The following QSER1 variants were observed in gnomAD, a reference collection of about 807,000 sequenced individuals.
The protein encoded by QSER1 is glutamine and serine rich 1, also known as glutamine and serine-rich protein 1.
QSER1 carries 49 observed loss-of-function variants against 158.5 expected under a neutral mutation model. That is an observed-to-expected ratio of 0.31 (90% CI 0.25 to 0.39). The LOEUF (loss-of-function observed/expected upper bound fraction) is 0.39, where lower values mean the gene tolerates loss of function less well. QSER1 is among the 10% of genes least tolerant of loss of function. The probability of loss-of-function intolerance (pLI) is 1.00; values close to 1 mark genes in which losing one functional copy is unlikely to be tolerated. For synonymous variants in QSER1, 650 were observed against 715.5 expected (o/e 0.91, Z 1.46); for missense variants, 1,754 against 2,010.3 (o/e 0.87, Z 2.44).
chr11:32,941,410 T>G (rs1193320744), intron 4 of QSER1, among the ~76,000 whole-genome samples: 1 of 113,184 alleles, frequency 8.8e-6, no homozygotes, highest in African/African-American at 3.4e-5. Context: ...GTCCCCAGAG[T>G]GTGATGTTCC....
chr11:32,911,240 T>C (rs1400113089), intron 1 of QSER1, among the ~76,000 whole-genome samples: 1 of 152,058 alleles, frequency 6.6e-6, no homozygotes, highest in Non-Finnish European at 1.5e-5. Context: ...TACCAAGTTA[T>C]GACATGGACA....
chr11:32,970,673 G>A (rs974417091), intron 10 of QSER1, among the ~76,000 whole-genome samples: 4 of 152,116 alleles, frequency 2.6e-5, no homozygotes, highest in Admixed American at 6.6e-5. Flanking sequence ...CCAAAGTGCT[G>A]GGATTAATAG....
At position 32,934,579 on chromosome 11, in the gene QSER1, G is replaced by C. The variant is rs753353471; in HGVS notation, c.3321G>C (p.Lys1107Asn). Residue 1107 changes from lysine (K) to asparagine (N), a missense_variant, in exon 4 of 13, where the codon AAG becomes AAC. Physicochemically the swap from Lys to Asn is moderately conservative, Grantham distance 94. This residue lies in a region of QSER1 where 1,707 missense variants were observed against 1,919.6 expected (regional missense o/e 0.89). Transcript: ENST00000650167. Reference protein sequence around the residue: ...EVQEQSSGPFKKQSATNLESE... With the variant: ...EVQEQSSGPFNKQSATNLESE... ...AGGAGCAAAGTTCTGGCCCATTCAA[G>C]AAACAGTCTGCTACCAATCTTGAAT... 4 of 1,613,422 alleles carry C rather than the reference G, an allele frequency of 2.5e-6. No homozygotes were observed. The highest frequency in any genetic ancestry group is 1.6e-4 in the Middle Eastern group (1 of 6,080).
intron 1 of QSER1, among the ~76,000 whole-genome samples, chr11:32,901,702 C>T (rs78563845): frequency 0.019 from 2,831 of 152,236 alleles, 45 homozygotes; most frequent in South Asian, 0.038. Flanking sequence ...GGGGAGCTCA[C>T]CAGAGTAACA....
At chr11:32,947,384 AT>A (rs1250626774) in intron 4 of QSER1, among the ~76,000 whole-genome samples, 7 of 152,198 alleles carry the variant, frequency 4.6e-5, no homozygotes, top group African/African-American at 1.7e-4. Flanking sequence ...CTTTTTATAA[AT>A]ACTAAGTACT....
At chr11:32,941,384 T>TCCCC (rs1263223630) in intron 4 of QSER1, among the ~76,000 whole-genome samples, 2 of 44,382 alleles carry the variant, frequency 4.5e-5, no homozygotes, top group Non-Finnish European at 8.1e-5. Context: ...CCCTCCCCCC[T>TCCCC]CCACCCCCCA....
intron 4 of QSER1, among the ~76,000 whole-genome samples, chr11:32,940,952 TG>T (rs1338011090): frequency 2.6e-5 from 4 of 151,974 alleles, no homozygotes; most frequent in African/African-American, 7.2e-5. Context: ...CTTTATTCCT[TG>T]GGTATAATTT....
intron 4 of QSER1, among the ~76,000 whole-genome samples, chr11:32,942,713 C>T (rs1020681021): frequency 2.0e-5 from 3 of 152,148 alleles, no homozygotes; most frequent in African/African-American, 4.8e-5. Context: ...CTTGGCAATG[C>T]GGGCTCTTTT....
Position 32,895,749 on chromosome 11 carries a change from G to A in QSER1, c.209+2415G>A, listed in dbSNP as rs540704350. ...AATGACATTCAGTTGTTGCCGACAG[G>A]GATCTAACATCCTACTTTATGCCTT... On this transcript the variant is annotated intron_variant, in intron 1 of 12. Coordinates refer to ENST00000650167, the MANE Select transcript of QSER1 (RefSeq NM_001076786.3). Among the ~76,000 whole-genome samples the A allele has an allele frequency of 2.0e-5, 3 of 152,198 alleles. No homozygotes were observed. The South Asian group carries it at 6.2e-4, about 32-fold the overall frequency.
At chr11:32,905,636 A>C (rs1851682429) in intron 1 of QSER1, among the ~76,000 whole-genome samples, 1 of 152,288 alleles carries the variant, frequency 6.6e-6, no homozygotes, top group Admixed American at 6.5e-5. Flanking sequence ...TTAAACAGCA[A>C]GTTTTTGACT....
At chr11:32,910,752 G>C (rs1851755837) in intron 1 of QSER1, among the ~76,000 whole-genome samples, 1 of 152,200 alleles carries the variant, frequency 6.6e-6, no homozygotes, top group Admixed American at 6.5e-5. Context: ...AAGGTAAATA[G>C]AGTAAAAATC....
chr11:32,961,707 T>C (rs1433457948), intron 8 of QSER1, among the ~76,000 whole-genome samples: 3 of 152,220 alleles, frequency 2.0e-5, no homozygotes, highest in Admixed American at 6.5e-5. Flanking sequence ...TTTGTATTTG[T>C]GATTTTGCCC....
intron 1 of QSER1, among the ~76,000 whole-genome samples, chr11:32,922,066 A>T (rs75003566): frequency 6.6e-6 from 1 of 152,194 alleles, no homozygotes; most frequent in Non-Finnish European, 1.5e-5. Flanking sequence ...ATGAGTATCA[A>T]CCTTTTACAC....
At chr11:32,929,252 C>T (rs756454938) in intron 3 of QSER1, among the ~76,000 whole-genome samples, 7 of 152,112 alleles carry the variant, frequency 4.6e-5, no homozygotes, top group Non-Finnish European at 1.0e-4. Flanking sequence ...GCTGGGATTA[C>T]AGGCATGCAC....
intron 8 of QSER1, among the ~76,000 whole-genome samples, chr11:32,963,436 C>G (rs755099748): frequency 3.9e-5 from 6 of 152,048 alleles, no homozygotes; most frequent in Non-Finnish European, 7.4e-5. Context: ...GCTCACTGCA[C>G]CGCCTCCCAG....
chr11:32,945,407 C>T (rs958519545), intron 4 of QSER1, among the ~76,000 whole-genome samples: 4 of 150,856 alleles, frequency 2.7e-5, no homozygotes, highest in African/African-American at 9.7e-5. Context: ...GCGCTTCCTT[C>T]AGGAGCTCTT....
intron 1 of QSER1, among the ~76,000 whole-genome samples, chr11:32,899,062 A>G (rs1422608755): frequency 6.6e-6 from 1 of 152,202 alleles, no homozygotes; most frequent in Admixed American, 6.5e-5. Flanking sequence ...TTCACAGAAT[A>G]TTTTATTTTA....
At chr11:32,931,368 C>T (rs1852043236) in intron 3 of QSER1, among the ~76,000 whole-genome samples, 1 of 151,820 alleles carries the variant, frequency 6.6e-6, no homozygotes, top group South Asian at 2.1e-4. Flanking sequence ...TCACTTGAGC[C>T]CAGGAGTTCA....
chr11:32,944,156 A>G (rs1368344326), intron 4 of QSER1, among the ~76,000 whole-genome samples: 1 of 152,072 alleles, frequency 6.6e-6, no homozygotes, highest in Admixed American at 6.5e-5. Context: ...GTAGCAGTCT[A>G]TCAATTTTGT....
Sources: allele counts gnomAD v4.1 joint callset (sites outside exome capture counted in the v4.1 genomes callset), GRCh38; gene constraint gnomAD v4.1.1; regional missense constraint gnomAD v4.1.1; transcripts MANE v1.5; gene names NCBI Gene and HGNC (gene_info 2026-07-23, HGNC 2026-07-21).